Variants in FHIP1B observed in about 807,000 individuals in gnomAD.
FHIP1B encodes FHF complex subunit HOOK interacting protein 1B, also known as FHF complex subunit HOOK-interacting protein 1B.
FHIP1B carries 28 observed loss-of-function variants against 82.2 expected under a neutral mutation model. The observed-to-expected ratio is 0.34, with a 90% confidence interval of 0.25 to 0.47. FHIP1B has a LOEUF of 0.47. FHIP1B is among the 20% of genes least tolerant of loss of function. FHIP1B has a pLI of 1.00. For synonymous variants in FHIP1B, 585 were observed against 516.1 expected (o/e 1.13, Z -1.81); for missense variants, 1,110 against 1,262.6 (o/e 0.88, Z 1.83).
At chr11:6,228,022 C>T (rs575440691) in intron 1 of FHIP1B, among the ~76,000 whole-genome samples, 2 of 152,234 alleles carry the variant, frequency 1.3e-5, no homozygotes, top group Non-Finnish European at 2.9e-5. Flanking sequence ...GTAAGATGTA[C>T]TTTCAGGAAA....
chr11:6,215,621 C>T (rs984124041), intron 9 of FHIP1B, among the ~76,000 whole-genome samples: 3 of 152,126 alleles, frequency 2.0e-5, no homozygotes, highest in Admixed American at 6.6e-5. Flanking sequence ...GGAACCAAGA[C>T]GGTGGAACAG....
At chr11:6,222,742 G>A (rs955642556) in intron 5 of FHIP1B, 69 bp downstream of exon 5, 42 of 1,560,012 alleles carry the variant, frequency 2.7e-5, no homozygotes, top group East Asian at 1.8e-4. Context: ...CGCCTCCTAC[G>A]TTAGTCCTGT....
At chr11:6,233,519 G>T (rs1170575111) in intron 1 of FHIP1B, among the ~76,000 whole-genome samples, 1 of 152,198 alleles carries the variant, frequency 6.6e-6, no homozygotes, top group East Asian at 1.9e-4. Flanking sequence ...TCAGTATCTT[G>T]AGACTGATGA....
At chr11:6,217,185 C>T (rs181332640) in intron 9 of FHIP1B, 186 bp downstream of exon 9, 42 of 711,530 alleles carry the variant, frequency 5.9e-5, no homozygotes, top group South Asian at 2.2e-4. Context: ...GCATGGAAGA[C>T]GTACAGACAG....
chr11:6,214,743 G>A lies in FHIP1B; in HGVS notation c.2384C>T (p.Ser795Phe), dbSNP rs768110454. ...GCATGCATCGCACACCTGCAGCAGGGACTTGACACTGGGCTGGAAGACCAT... is the reference window on the plus strand; with the variant it reads ...GCATGCATCGCACACCTGCAGCAGGAACTTGACACTGGGCTGGAAGACCAT... ...TNMVFQPSVK[S>F]LLQVLGSVKN... Residue 795 changes from serine to phenylalanine, a missense_variant, in exon 10 of 12, where the codon TCC (serine) becomes TTC (phenylalanine). This residue lies in a region of FHIP1B where 39 missense variants were observed against 79.6 expected (regional missense o/e 0.49). Coordinates refer to ENST00000449352, the MANE Select transcript of FHIP1B (RefSeq NM_001098794.2). 1.3e-6 allele frequency: 2 copies of A among 1,581,574 alleles called. No homozygotes were observed. The highest frequency in any genetic ancestry group is 1.7e-6 in the Non-Finnish European group (2 of 1,161,018).
chr11:6,217,878 G>C lies in FHIP1B; in HGVS notation c.1708C>G (p.Arg570Gly). ...CCATCATAGGGGGCAGACCAGGTAC[G>C]GCAGGCTCGGACACAGCGGTCCACA... ...RGVDRCVRAC[R>G]TWSAPYDGER... The change falls in exon 9 of 12, where the codon CGT (arginine) becomes GGT (glycine). Residue 570 changes from arginine (R) to glycine (G), a missense_variant. By Grantham distance (125) the Arg-to-Gly change is moderately radical. Coordinates refer to ENST00000449352, the MANE Select transcript of FHIP1B (RefSeq NM_001098794.2). 2 of 1,613,482 alleles carry C rather than the reference G, an allele frequency of 1.2e-6. No homozygotes were observed. The highest frequency in any genetic ancestry group is 1.7e-6 in the Non-Finnish European group (2 of 1,180,010).
At position 6,223,447 on chromosome 11, in the gene FHIP1B, A is replaced by G. The variant is rs1227287036; in HGVS notation, c.777+163T>C. 6.6e-6 allele frequency among the ~76,000 whole-genome samples: 1 copy of G among 152,196 alleles called. No homozygotes were observed. Among genetic ancestry groups the G allele is most frequent in the South Asian group, 2.1e-4 (1 of 4,828 alleles). The stretch of plus-strand genomic sequence containing the variant: ...GTATCTGCCCTATCCATCTAAGCCC[A>G]TGATTCATCCCCACTACAACTCCAG... On this transcript the variant is annotated intron_variant, in intron 3 of 11. Transcript: ENST00000449352. This position sits in a 1 kb window ranked among gnomAD's most constrained non-coding sequence, Gnocchi z 4.8.
intron 1 of FHIP1B, among the ~76,000 whole-genome samples, chr11:6,232,656 A>G (rs1175185819): frequency 6.6e-6 from 1 of 152,248 alleles, no homozygotes; most frequent in African/African-American, 2.4e-5. Flanking sequence ...GTATAATAAA[A>G]TTTGAAATCC....
At chr11:6,222,747 T>C (rs1191057653) in intron 5 of FHIP1B, 64 bp downstream of exon 5, 2 of 1,569,764 alleles carry the variant, frequency 1.3e-6, no homozygotes, top group Non-Finnish European at 1.8e-6. Flanking sequence ...CCTACGTTAG[T>C]CCTGTCACTG....
intron 11 of FHIP1B, among the ~76,000 whole-genome samples, chr11:6,212,602 C>A (rs529579974): frequency 1.4e-4 from 22 of 152,314 alleles, no homozygotes; most frequent in Non-Finnish European, 2.5e-4. Context: ...TTCAAAACAA[C>A]GTCCTCTTGC....
Position 6,223,491 on chromosome 11 carries a change from A to T in FHIP1B, c.777+119T>A. 7.5e-7 allele frequency: 1 copy of T among 1,338,130 alleles called. No homozygotes were observed. 82.9% of individuals were successfully genotyped at this position (1,338,130 alleles called of 1,614,324 possible). ...ACTCCAGGGGGCTGCTTTCAAATCCAGGAACTGTTTCCTAGGGGAACGGGC... is the reference window on the plus strand; with the variant it reads ...ACTCCAGGGGGCTGCTTTCAAATCCTGGAACTGTTTCCTAGGGGAACGGGC... On this transcript the variant is annotated intron_variant, in intron 3 of 11. Coordinates refer to ENST00000449352, the MANE Select transcript of FHIP1B (RefSeq NM_001098794.2). The surrounding 1 kb of genome is among the most constrained non-coding windows in gnomAD (Gnocchi z 4.8).
rs1847451801 is a variant in FHIP1B at position 6,222,854 on chromosome 11, T to C, written c.980A>G (p.His327Arg). ...LVQKQLVDYI[H>R]NGFLVPVMGP... The stretch of plus-strand genomic sequence containing the variant: ...CATGACAGGCACCAGGAACCCATTA[T>C]GGATATAATCAACCAACTGCTTCTG... Residue 327 changes from histidine to arginine, a missense_variant, in exon 5 of 12, where the codon CAT becomes CGT. Physicochemically the swap from His to Arg is conservative, Grantham distance 29. Around this residue, in one of 6 missense-constraint regions of FHIP1B, gnomAD observed 467 missense variants for 602.9 expected, o/e 0.77. Transcript: ENST00000449352. 3 of 1,614,042 alleles carry C rather than the reference T, an allele frequency of 1.9e-6. No individual in the cohort carries two copies. The highest frequency in any genetic ancestry group is 2.2e-5 in the East Asian group (1 of 44,896).
At position 6,234,566 on chromosome 11, in the gene FHIP1B, C is replaced by G. The variant is rs757999882; in HGVS notation, c.-214G>C. ...TACCGTTCACTCACGGAACGCCGAACCTGGCCGGGCCCGGTTGCTGCTGCG... is the reference window on the plus strand; with the variant it reads ...TACCGTTCACTCACGGAACGCCGAAGCTGGCCGGGCCCGGTTGCTGCTGCG... On this transcript the variant is annotated 5_prime_UTR_variant, in exon 1 of 12. Transcript: ENST00000449352. 1.3e-5 allele frequency: 2 copies of G among 152,478 alleles called. No homozygotes were observed. The highest frequency in any genetic ancestry group is 2.9e-5 in the Non-Finnish European group (2 of 68,204). 9.4% of individuals were successfully genotyped at this position (152,478 alleles called of 1,614,324 possible). A position where few individuals can be genotyped will look rare whatever the true frequency, so the allele number is the denominator to read the frequency against.
chr11:6,217,075 A>G (rs770660479), intron 9 of FHIP1B: 3 of 702,676 alleles, frequency 4.3e-6, no homozygotes, highest in Non-Finnish European at 7.8e-6. Context: ...TATCCTAATT[A>G]CAAATCGCAG....
intron 8 of FHIP1B, 92 bp from the exon 9 acceptor site, chr11:6,218,242 G>A: frequency 1.4e-6 from 2 of 1,462,854 alleles, no homozygotes; most frequent in Non-Finnish European, 1.8e-6. Context: ...GAAGACAATG[G>A]GGAGGCAGAA....
At chr11:6,231,123 G>A (rs1847686002) in intron 1 of FHIP1B, among the ~76,000 whole-genome samples, 1 of 152,206 alleles carries the variant, frequency 6.6e-6, no homozygotes, top group South Asian at 2.1e-4. Flanking sequence ...ATCATATGAG[G>A]TGAGGGGGAG....
rs776188632 is a variant in FHIP1B, at chr11:6,217,919, C to T, written c.1667G>A (p.Arg556His). The change falls in exon 9 of 12, where the codon CGT becomes CAT. Residue 556 changes from arginine to histidine, a missense_variant. Arg to His is a conservative substitution (Grantham distance 29, BLOSUM62 0). Coordinates refer to ENST00000449352, the MANE Select transcript of FHIP1B (RefSeq NM_001098794.2). ...ELEDNYLEYLREARRGVDRCV... is the reference protein window; with the variant it reads ...ELEDNYLEYLHEARRGVDRCV... Reference sequence around the variant, plus strand: ...GCGGTCCACACCACGACGTGCCTCACGCAGATACTCCAGGTAATTGTCTTC... The same window carrying T: ...GCGGTCCACACCACGACGTGCCTCATGCAGATACTCCAGGTAATTGTCTTC... 67 of 1,612,664 alleles carry T rather than the reference C, an allele frequency of 4.2e-5. No individual in the cohort carries two copies. In the East Asian group the frequency reaches 5.1e-4, roughly 12 times the overall value.
chr11:6,221,630 TCCC>T (rs1344444691), intron 6 of FHIP1B, among the ~76,000 whole-genome samples: 9 of 152,144 alleles, frequency 5.9e-5, no homozygotes, highest in Non-Finnish European at 1.5e-5. Flanking sequence ...GTTAAGCTCT[TCCC>T]CCATTTGATG....
At chr11:6,231,539 C>T (rs1847699470) in intron 1 of FHIP1B, among the ~76,000 whole-genome samples, 1 of 145,940 alleles carries the variant, frequency 6.9e-6, no homozygotes, top group Non-Finnish European at 1.5e-5. Context: ...GGTGTGACCT[C>T]ATCTCACTGC....
Sources: gnomAD v4.1 joint callset for allele counts (sites outside exome capture counted in the v4.1 genomes callset) on GRCh38, gnomAD v4.1.1 for gene constraint, gnomAD v4.1.1 regional missense constraint, Gnocchi (gnomAD v3.1) non-coding constraint, MANE v1.5 for transcripts, NCBI Gene and HGNC (gene_info 2026-07-23, HGNC 2026-07-21) for gene names.